SLC24A2: variants seen among roughly 807,000 people sequenced by gnomAD.
SLC24A2 encodes the protein sodium/potassium/calcium exchanger 2.
A neutral mutation model predicts 62.0 loss-of-function variants in SLC24A2; 36 were observed. That is an observed-to-expected ratio of 0.58 (90% CI 0.44 to 0.77). SLC24A2 has a LOEUF of 0.77. Ranked by LOEUF, SLC24A2 falls within the 30% of genes least tolerant of loss-of-function variation. SLC24A2 has a pLI of 0.00. For synonymous variants in SLC24A2, 358 were observed against 294.0 expected, an observed-to-expected ratio of 1.22 and a Z score of -2.23; for missense variants, 846 against 817.9, an observed-to-expected ratio of 1.03 and a Z score of -0.42.
At chr9:19,886,411 T>C in the SLC24A2 span, among the ~76,000 whole-genome samples, 1 of 151,766 alleles carries the variant, frequency 6.6e-6, no homozygotes. Context: ...TCTGTTCCAC[T>C]TCTCAAAAGA....
At chr9:20,048,828 T>G in the SLC24A2 span, among the ~76,000 whole-genome samples, 5 of 152,006 alleles carry the variant, frequency 3.3e-5, no homozygotes, top group Non-Finnish European at 7.4e-5. Context: ...CCCAGAAAAA[T>G]TTAGATCCAG....
At chr9:19,833,796 C>A in the SLC24A2 span, among the ~76,000 whole-genome samples, 1 of 152,218 alleles carries the variant, frequency 6.6e-6, no homozygotes, top group Non-Finnish European at 1.5e-5. Flanking sequence ...GGTCCCTGAC[C>A]CCCGAGTAGC....
intron 2 of SLC24A2, among the ~76,000 whole-genome samples, chr9:19,715,452 G>A (rs953661721): frequency 6.6e-6 from 1 of 152,136 alleles, no homozygotes; most frequent in African/African-American, 2.4e-5. Context: ...AAAAAATGAT[G>A]GAACCCCTTG....
chr9:19,869,272 C>G, the SLC24A2 span, among the ~76,000 whole-genome samples: 1 of 152,196 alleles, frequency 6.6e-6, no homozygotes, highest in Non-Finnish European at 1.5e-5. Context: ...TGAGCTACTG[C>G]ACCCAGTCTA....
the SLC24A2 span, among the ~76,000 whole-genome samples, chr9:20,258,764 T>TTATCTATCTATC: frequency 1.2e-3 from 165 of 139,706 alleles, no homozygotes; most frequent in East Asian, 2.8e-3. Context: ...CTCCTCTCAT[T>TTATCTATCTATC]TATCTATCTA....
At chr9:19,782,762 T>G (rs909283315) in intron 2 of SLC24A2, among the ~76,000 whole-genome samples, 3 of 152,218 alleles carry the variant, frequency 2.0e-5, no homozygotes, top group African/African-American at 7.2e-5. Context: ...ATGCTTAACA[T>G]TCATTTCTTC....
chr9:19,855,575 T>C, the SLC24A2 span, among the ~76,000 whole-genome samples: 10 of 152,236 alleles, frequency 6.6e-5, no homozygotes, highest in Admixed American at 6.5e-4. Context: ...TATGAAATTC[T>C]GGGTTGGAAA....
At chr9:19,560,461 T>C (rs917151001) in intron 7 of SLC24A2, among the ~76,000 whole-genome samples, 36 of 152,208 alleles carry the variant, frequency 2.4e-4, no homozygotes, top group African/African-American at 8.4e-4. Context: ...GTGCTCTCTC[T>C]CTGTCTCTAT....
At position 19,657,868 on chromosome 9, in the gene SLC24A2, C is replaced by T. The variant is rs142472647; in HGVS notation, c.931-35569G>A. Reference sequence around the variant, plus strand: ...TTATCCTCCCCAGTAGCTAGGACTACAGGCCTGCACCACCACACCCAGCTA... The same window carrying T: ...TTATCCTCCCCAGTAGCTAGGACTATAGGCCTGCACCACCACACCCAGCTA... On this transcript the variant is annotated intron_variant, in intron 2 of 10. Transcript: ENST00000341998. Among the ~76,000 whole-genome samples the T allele has an allele frequency of 2.8e-4, 43 of 152,236 alleles. 1 individual carries two copies. The East Asian group carries it at 7.5e-3, about 27-fold the overall frequency.
the SLC24A2 span, among the ~76,000 whole-genome samples, chr9:19,925,039 C>T: frequency 6.6e-6 from 1 of 152,194 alleles, no homozygotes; most frequent in South Asian, 2.1e-4. Flanking sequence ...CTATAGCATG[C>T]TTGGACCCTT....
chr9:19,979,612 GC>G, the SLC24A2 span, among the ~76,000 whole-genome samples: 100 of 152,240 alleles, frequency 6.6e-4, no homozygotes, highest in Non-Finnish European at 8.7e-4. Context: ...TCATTCTCTA[GC>G]ATCGATCTCT....
chr9:19,950,728 T>G, the SLC24A2 span, among the ~76,000 whole-genome samples: 1 of 152,162 alleles, frequency 6.6e-6, no homozygotes, highest in Non-Finnish European at 1.5e-5. Flanking sequence ...TGGGAAGTGG[T>G]CTGGAGATGG....
At chr9:19,723,512 T>TAA (rs1324667278) in intron 2 of SLC24A2, among the ~76,000 whole-genome samples, 12 of 152,190 alleles carry the variant, frequency 7.9e-5, no homozygotes, top group African/African-American at 2.9e-4. Context: ...CCATAAGCTG[T>TAA]GTCTTTCATC....
the SLC24A2 span, among the ~76,000 whole-genome samples, chr9:20,023,034 T>G: frequency 6.6e-5 from 10 of 152,278 alleles, no homozygotes; most frequent in African/African-American, 2.2e-4. Context: ...AATGCTTCAG[T>G]TACTAACATA....
the SLC24A2 span, among the ~76,000 whole-genome samples, chr9:19,833,569 A>G: frequency 6.6e-6 from 1 of 152,248 alleles, no homozygotes; most frequent in East Asian, 1.9e-4. Context: ...AGGTAAACAA[A>G]GCAGCAGGGA....
At chr9:19,777,537 A>G (rs1487317120) in intron 2 of SLC24A2, among the ~76,000 whole-genome samples, 1 of 152,196 alleles carries the variant, frequency 6.6e-6, no homozygotes, top group African/African-American at 2.4e-5. Flanking sequence ...TATTATGATA[A>G]TACTAAACAG....
the SLC24A2 span, among the ~76,000 whole-genome samples, chr9:20,247,402 C>A: frequency 4.6e-5 from 7 of 152,178 alleles, no homozygotes; most frequent in Non-Finnish European, 4.4e-5. Flanking sequence ...TTGAAATCCT[C>A]ACCCCTAAGG....
intron 7 of SLC24A2, among the ~76,000 whole-genome samples, chr9:19,555,933 C>T (rs890018012): frequency 6.6e-6 from 1 of 152,054 alleles, no homozygotes; most frequent in Non-Finnish European, 1.5e-5. Context: ...AACACAGACT[C>T]CATCTTGGGG....
chr9:20,131,742 C>G, the SLC24A2 span, among the ~76,000 whole-genome samples: 9 of 152,204 alleles, frequency 5.9e-5, no homozygotes, highest in African/African-American at 1.7e-4. Flanking sequence ...ACAAGGGTCC[C>G]TCTAAATTTT....
Sources: gnomAD v4.1 joint callset for allele counts (sites outside exome capture counted in the v4.1 genomes callset) on GRCh38, gnomAD v4.1.1 for gene constraint, MANE v1.5 for transcripts, NCBI Gene and HGNC (gene_info 2026-07-23, HGNC 2026-07-21) for gene names.